GAB2: variants seen among roughly 807,000 people sequenced by gnomAD.
GAB2 encodes the protein GRB2 associated binding protein 2, also known as GRB2-associated-binding protein 2.
Under a neutral mutation model 65.5 loss-of-function variants are expected in GAB2, and 26 were observed. The observed-to-expected ratio is 0.40, with a 90% confidence interval of 0.29 to 0.55. The LOEUF is 0.55. Among genes scored for constraint, GAB2 ranks in the 20% least tolerant of loss-of-function variants. The probability of loss-of-function intolerance (pLI) is 0.53; values close to 1 mark genes in which losing one functional copy is unlikely to be tolerated. For synonymous variants in GAB2, 321 were observed against 329.6 expected, an observed-to-expected ratio of 0.97 and a Z score of 0.28; for missense variants, 884 against 875.8, an observed-to-expected ratio of 1.01 and a Z score of -0.12.
chr11:78,344,298 C>G (rs1856146622), intron 1 of GAB2, among the ~76,000 whole-genome samples: 1 of 152,084 alleles, frequency 6.6e-6, no homozygotes, highest in Non-Finnish European at 1.5e-5. Context: ...GATTAAGAAG[C>G]TAAGTGATCT....
chr11:78,221,864 C>A (rs534511679), intron 7 of GAB2, 85 bp from the exon 8 acceptor site: 5 of 869,218 alleles, frequency 5.8e-6, no homozygotes, highest in East Asian at 5.0e-5. Context: ...CTGACCCTCA[C>A]ACACCCAGAC....
intron 2 of GAB2, among the ~76,000 whole-genome samples, chr11:78,256,248 T>G (rs1865592733): frequency 6.6e-6 from 1 of 152,222 alleles, no homozygotes; most frequent in Admixed American, 6.5e-5. Context: ...AATACTGATA[T>G]AGGTTATCTT....
At chr11:78,278,575 A>C (rs543441470) in intron 2 of GAB2, among the ~76,000 whole-genome samples, 146 of 134,914 alleles carry the variant, frequency 1.1e-3, no homozygotes, top group African/African-American at 4.5e-3. Flanking sequence ...ACGGGTTTTC[A>C]CCATTATTGG....
At position 78,219,229 on chromosome 11, in the gene GAB2, G is replaced by A. The variant is rs530915833; in HGVS notation, c.*43C>T. 12 of 1,594,776 alleles carry A rather than the reference G, an allele frequency of 7.5e-6. No individual in the cohort carries two copies. The highest frequency in any genetic ancestry group is 2.2e-5 in the East Asian group (1 of 44,670). On this transcript the variant is annotated 3_prime_UTR_variant, in exon 10 of 10. Coordinates refer to ENST00000361507, the MANE Select transcript of GAB2 (RefSeq NM_080491.3). ...GGGAGAGGGGAGATGGGAAGGGCCA[G>A]CTCTGGAGATGCTGCCTCCTGGGCT...
chr11:78,404,712 C>T (rs1857018663), intron 1 of GAB2, among the ~76,000 whole-genome samples: 1 of 152,124 alleles, frequency 6.6e-6, no homozygotes. Context: ...AAAAACTGAA[C>T]TCATGGAGAT....
At chr11:78,409,891 A>C (rs1156299315) in intron 1 of GAB2, among the ~76,000 whole-genome samples, 4 of 152,220 alleles carry the variant, frequency 2.6e-5, no homozygotes, top group Admixed American at 6.5e-5. Flanking sequence ...AAACCTTGAC[A>C]AGTTAAAAAT....
intron 1 of GAB2, among the ~76,000 whole-genome samples, chr11:78,363,159 G>A (rs79242779): frequency 6.6e-6 from 1 of 152,170 alleles, no homozygotes; most frequent in Non-Finnish European, 1.5e-5. Flanking sequence ...AAATTAATCA[G>A]AACGGAAAGA....
chr11:78,372,722 G>T (rs1376595460), intron 1 of GAB2, among the ~76,000 whole-genome samples: 1 of 152,078 alleles, frequency 6.6e-6, no homozygotes, highest in Non-Finnish European at 1.5e-5. Flanking sequence ...TTTCCTCAAT[G>T]GATACGAGAA....
At chr11:78,279,691 C>T (rs565872942) in intron 2 of GAB2, among the ~76,000 whole-genome samples, 3 of 152,108 alleles carry the variant, frequency 2.0e-5, no homozygotes, top group African/African-American at 4.8e-5. Flanking sequence ...TTCATACAAA[C>T]GGAATCATAA....
rs190471229 is a variant in GAB2, at chr11:78,273,032, G to A, written c.376+7569C>T. On this transcript the variant is annotated intron_variant, in intron 2 of 9. Transcript: ENST00000361507. ...CAGGAATTGAGGTTTACAAACCTCC[G>A]CCTAGATTGCAGAGGATGTATGGAA... Among the ~76,000 whole-genome samples, 189 of 152,338 alleles carry A rather than the reference G, an allele frequency of 1.2e-3. 1 individual carries two copies. Among genetic ancestry groups the A allele is most frequent in the African/African-American group, 4.0e-3 (165 of 41,592 alleles).
At chr11:78,336,480 G>GTTT (rs59349951) in intron 1 of GAB2, among the ~76,000 whole-genome samples, 9 of 127,626 alleles carry the variant, frequency 7.1e-5, no homozygotes, top group Non-Finnish European at 1.3e-4. Context: ...AATAGTTGTT[G>GTTT]TTTTTTTTTT....
At chr11:78,321,400 T>C (rs933387882) in intron 1 of GAB2, among the ~76,000 whole-genome samples, 5 of 152,242 alleles carry the variant, frequency 3.3e-5, no homozygotes, top group African/African-American at 9.7e-5. Flanking sequence ...CTTTATGTTA[T>C]ACTTTTTGGC....
At chr11:78,283,581 C>T (rs994974638) in intron 1 of GAB2, among the ~76,000 whole-genome samples, 24 of 152,186 alleles carry the variant, frequency 1.6e-4, no homozygotes, top group African/African-American at 5.8e-4. Context: ...TATAATCAGG[C>T]TATCCCCCAT....
At chr11:78,231,397 G>A (rs574760257) in intron 3 of GAB2, among the ~76,000 whole-genome samples, 1 of 150,398 alleles carries the variant, frequency 6.6e-6, no homozygotes, top group South Asian at 2.1e-4. Context: ...CTCCCAGGCT[G>A]GAGTGCAGTG....
rs957101417 is a variant in GAB2 at position 78,381,729 on chromosome 11, A to C, written c.75+35917T>G. ...ATTTGACCCTGTGTTAAGCACATTA[A>C]ATGAGTTTATCATTTCAGAGCCTCC... On this transcript the variant is annotated intron_variant, in intron 1 of 9. Coordinates refer to ENST00000361507, the MANE Select transcript of GAB2 (RefSeq NM_080491.3). Among the ~76,000 whole-genome samples, 3 of 152,348 alleles carry C rather than the reference A, an allele frequency of 2.0e-5. No individual in the cohort carries two copies. The East Asian group carries it at 5.8e-4, about 29-fold the overall frequency.
chr11:78,282,280 C>G (rs1866355925), intron 1 of GAB2, among the ~76,000 whole-genome samples: 1 of 151,824 alleles, frequency 6.6e-6, no homozygotes, highest in South Asian at 2.1e-4. Flanking sequence ...TGCGTTCAGT[C>G]TATGCTTTAC....
At chr11:78,331,050 C>T (rs138132367) in intron 1 of GAB2, among the ~76,000 whole-genome samples, 1 of 151,898 alleles carries the variant, frequency 6.6e-6, no homozygotes, top group African/African-American at 2.4e-5. Flanking sequence ...TGGTGGGCAC[C>T]TGTAATCCCA....
At chr11:78,242,844 G>GA (rs150295168) in intron 3 of GAB2, among the ~76,000 whole-genome samples, 1,716 of 152,256 alleles carry the variant, frequency 0.011, 30 homozygotes, top group African/African-American at 0.032. Flanking sequence ...GACTGACCAA[G>GA]AAAAAACGGG....
intron 2 of GAB2, among the ~76,000 whole-genome samples, chr11:78,272,395 G>T (rs1866039083): frequency 6.6e-6 from 1 of 152,226 alleles, no homozygotes; most frequent in Admixed American, 6.5e-5. Flanking sequence ...CTCAGATGGA[G>T]ATGAGGAACT....
Sources: gnomAD v4.1 joint callset for allele counts (sites outside exome capture counted in the v4.1 genomes callset) on GRCh38, gnomAD v4.1.1 for gene constraint, MANE v1.5 for transcripts, NCBI Gene and HGNC (gene_info 2026-07-23, HGNC 2026-07-21) for gene names.